The following VEPH1 variants were observed in gnomAD, a reference collection of about 807,000 sequenced individuals.
VEPH1 encodes the protein ventricular zone expressed PH domain containing 1, also known as ventricular zone-expressed PH domain-containing protein homolog 1.
VEPH1 carries 80 observed loss-of-function variants against 85.2 expected under a neutral mutation model. That is an observed-to-expected ratio of 0.94 (90% confidence interval 0.78 to 1.13). The LOEUF is 1.13. Among genes scored for constraint, VEPH1 ranks in the 50% most tolerant of loss-of-function variants. The probability of loss-of-function intolerance (pLI) is 0.00; values close to 1 mark genes in which losing one functional copy is unlikely to be tolerated. For missense variants in VEPH1, 955 were observed against 980.5 expected, an observed-to-expected ratio of 0.97 and a Z score of 0.35; for synonymous variants, 297 against 348.0, an observed-to-expected ratio of 0.85 and a Z score of 1.63.
intron 6 of VEPH1, among the ~76,000 whole-genome samples, chr3:157,400,106 A>C (rs894297517): frequency 6.6e-6 from 1 of 152,072 alleles, no homozygotes; most frequent in Non-Finnish European, 1.5e-5. Flanking sequence ...ATTCTTCATT[A>C]TTTTTGATTC....
intron 11 of VEPH1, among the ~76,000 whole-genome samples, chr3:157,304,332 A>G (rs2108475463): frequency 1.3e-5 from 2 of 152,252 alleles, no homozygotes; most frequent in East Asian, 1.9e-4. Flanking sequence ...CAGAAAATGT[A>G]GTTTATTTTA....
intron 4 of VEPH1, among the ~76,000 whole-genome samples, chr3:157,450,540 C>T (rs530215414): frequency 6.6e-6 from 1 of 151,196 alleles, no homozygotes; most frequent in South Asian, 2.1e-4. Flanking sequence ...TAAATGAATG[C>T]TTCTACTGTT....
At chr3:157,332,274 G>T (rs1048716687) in intron 9 of VEPH1, among the ~76,000 whole-genome samples, 1 of 152,186 alleles carries the variant, frequency 6.6e-6, no homozygotes, top group Non-Finnish European at 1.5e-5. Flanking sequence ...CCATTTTAAA[G>T]TGTACAGTTC....
intron 9 of VEPH1, among the ~76,000 whole-genome samples, chr3:157,361,639 G>A (rs1015890018): frequency 3.3e-5 from 5 of 152,296 alleles, no homozygotes; most frequent in African/African-American, 1.2e-4. Context: ...CATGGTTGCT[G>A]CCTAAGAATT....
chr3:157,271,175 A>G (rs1285720452), intron 12 of VEPH1, among the ~76,000 whole-genome samples: 5 of 152,140 alleles, frequency 3.3e-5, no homozygotes, highest in African/African-American at 1.2e-4. Context: ...GATCCAGGAA[A>G]GAGATTGAGT....
chr3:157,374,261 C>T (rs1222066005), intron 7 of VEPH1, among the ~76,000 whole-genome samples: 1 of 151,656 alleles, frequency 6.6e-6, no homozygotes, highest in African/African-American at 2.4e-5. Context: ...CACCATAGAC[C>T]TCTCTAGATT....
chr3:157,492,063 T>C (rs890084601), intron 2 of VEPH1, among the ~76,000 whole-genome samples: 2 of 152,100 alleles, frequency 1.3e-5, no homozygotes, highest in Non-Finnish European at 2.9e-5. Flanking sequence ...AGATTGTCCT[T>C]TGAGGATTAA....
At chr3:157,491,060 T>C (rs764872880) in intron 2 of VEPH1, among the ~76,000 whole-genome samples, 4 of 152,126 alleles carry the variant, frequency 2.6e-5, no homozygotes, top group Non-Finnish European at 5.9e-5. Flanking sequence ...GTAATTCACT[T>C]TGGAACCATG....
intron 9 of VEPH1, among the ~76,000 whole-genome samples, chr3:157,336,171 T>C (rs1722946897): frequency 6.6e-6 from 1 of 152,226 alleles, no homozygotes; most frequent in Non-Finnish European, 1.5e-5. Flanking sequence ...TTAATAGCAG[T>C]AAAAGCAGTG....
Position 157,313,605 on chromosome 3 carries a change from G to A in VEPH1, c.2010+16C>T. 1 of 1,612,490 alleles carries A rather than the reference G, an allele frequency of 6.2e-7. No homozygotes were observed. On this transcript the variant is annotated intron_variant, in intron 11 of 13. Transcript: ENST00000362010. ...AAATCTTGGCCTGTAACATGGCCAA[G>A]GAAAGGAATATTTACCTTCTGCTGT... is the stretch of plus-strand genomic sequence containing the variant.
chr3:157,293,530 T>G lies in VEPH1; in HGVS notation c.2011-6856A>C, dbSNP rs772498057. Among the ~76,000 whole-genome samples the G allele has an allele frequency of 2.6e-4, 40 of 152,316 alleles. 3 individuals are homozygous for G. The Middle Eastern group carries it at 0.048, about 181-fold the overall frequency. Reference sequence around the variant, plus strand: ...GCTGGAAGAAAACACTATGTTTGATTCATTTCAGAGAGAAGCTCTGAAGAA... The same window carrying G: ...GCTGGAAGAAAACACTATGTTTGATGCATTTCAGAGAGAAGCTCTGAAGAA... On this transcript the variant is annotated intron_variant, in intron 11 of 13. Transcript: ENST00000362010.
intron 12 of VEPH1, among the ~76,000 whole-genome samples, chr3:157,271,022 G>T (rs1714476690): frequency 6.6e-6 from 1 of 152,170 alleles, no homozygotes; most frequent in Non-Finnish European, 1.5e-5. Flanking sequence ...AGCAAGGTAG[G>T]TGTGTGGGGG....
intron 6 of VEPH1, among the ~76,000 whole-genome samples, chr3:157,387,759 T>C (rs999644862): frequency 3.9e-5 from 6 of 152,196 alleles, no homozygotes; most frequent in African/African-American, 1.4e-4. Context: ...TTAAAACTAT[T>C]CTAATGCCAC....
intron 2 of VEPH1, among the ~76,000 whole-genome samples, chr3:157,481,947 T>A (rs1038073003): frequency 6.6e-6 from 1 of 152,188 alleles, no homozygotes; most frequent in Admixed American, 6.5e-5. Context: ...AAAACATTGC[T>A]TAGTTTTGAC....
chr3:157,284,624 A>G (rs1408672360), intron 12 of VEPH1, among the ~76,000 whole-genome samples: 2 of 152,162 alleles, frequency 1.3e-5, no homozygotes, highest in East Asian at 1.9e-4. Flanking sequence ...AGAAGATGAA[A>G]TCAACAACCT....
At chr3:157,407,284 A>G (rs1392412482) in intron 6 of VEPH1, among the ~76,000 whole-genome samples, 1 of 152,164 alleles carries the variant, frequency 6.6e-6, no homozygotes, top group African/African-American at 2.4e-5. Context: ...CTGCAAACTT[A>G]TTTGAGCTGT....
intron 3 of VEPH1, among the ~76,000 whole-genome samples, chr3:157,462,181 C>T (rs149609218): frequency 1.3e-5 from 2 of 151,118 alleles, no homozygotes; most frequent in African/African-American, 4.8e-5. Context: ...AGACACGTTA[C>T]AAAATAAAGC....
chr3:157,489,119 A>G (rs1042754541), intron 2 of VEPH1: 1 of 456,300 alleles, frequency 2.2e-6, no homozygotes, highest in Non-Finnish European at 4.4e-6. Context: ...TTCAGTAGCC[A>G]CTCAACTGGC....
At chr3:157,298,402 A>G (rs538586733) in intron 11 of VEPH1, among the ~76,000 whole-genome samples, 1 of 152,296 alleles carries the variant, frequency 6.6e-6, no homozygotes, top group East Asian at 1.9e-4. Context: ...CCTGCCCCAG[A>G]ACTACCAGGA....
Sources: gnomAD v4.1 joint callset for allele counts (sites outside exome capture counted in the v4.1 genomes callset) on GRCh38, gnomAD v4.1.1 for gene constraint, MANE v1.5 for transcripts, NCBI Gene and HGNC (gene_info 2026-07-23, HGNC 2026-07-21) for gene names.